Variants in SERGEF observed in about 807,000 individuals in gnomAD.
The protein encoded by SERGEF is secretion-regulating guanine nucleotide exchange factor.
A neutral mutation model predicts 50.0 loss-of-function variants in SERGEF; 51 were observed. That is an observed-to-expected ratio of 1.02 (90% confidence interval 0.81 to 1.29). The LOEUF (loss-of-function observed/expected upper bound fraction) is 1.29. Among genes scored for constraint, SERGEF ranks in the 50% most tolerant of loss-of-function variants. The pLI is 0.00. For synonymous variants in SERGEF, 205 were observed against 212.4 expected, an observed-to-expected ratio of 0.97 and a Z score of 0.30; for missense variants, 521 against 557.0, an observed-to-expected ratio of 0.94 and a Z score of 0.65.
At chr11:17,960,120 A>G (rs1316308689) in intron 8 of SERGEF, among the ~76,000 whole-genome samples, 1 of 152,014 alleles carries the variant, frequency 6.6e-6, no homozygotes, top group Non-Finnish European at 1.5e-5. Flanking sequence ...GGCCAGCTTC[A>G]TTTGCTCTCC....
intron 9 of SERGEF, among the ~76,000 whole-genome samples, chr11:17,947,950 CTTTT>C: frequency 7.5e-6 from 1 of 133,554 alleles, no homozygotes; most frequent in East Asian, 2.1e-4. Flanking sequence ...CTAATCCATT[CTTTT>C]TTTTTTTTTT....
chr11:17,791,680 T>G (rs1849486216), intron 10 of SERGEF, among the ~76,000 whole-genome samples: 1 of 152,230 alleles, frequency 6.6e-6, no homozygotes, highest in Non-Finnish European at 1.5e-5. Flanking sequence ...CACTTACTAG[T>G]TGTGCCGCTT....
intron 8 of SERGEF, among the ~76,000 whole-genome samples, chr11:17,967,765 T>A (rs1394153355): frequency 6.6e-6 from 1 of 152,234 alleles, no homozygotes; most frequent in African/African-American, 2.4e-5. Context: ...CAATGTTGGA[T>A]GACTGCTCCT....
intron 10 of SERGEF, among the ~76,000 whole-genome samples, chr11:17,874,603 C>G (rs536458767): frequency 1.3e-4 from 20 of 152,332 alleles, no homozygotes; most frequent in African/African-American, 4.8e-4. Context: ...AGTAAAATTT[C>G]CATCTTCTCA....
chr11:17,975,248 ATGGGAGTGAGC>A (rs1853346023), intron 8 of SERGEF, among the ~76,000 whole-genome samples: 2 of 152,170 alleles, frequency 1.3e-5, no homozygotes, highest in African/African-American at 4.8e-5. Context: ...CATGTGTAAA[ATGGGAGTGAGC>A]CTCACTTGGC....
intron 8 of SERGEF, among the ~76,000 whole-genome samples, chr11:17,976,673 C>T (rs191990866): frequency 6.6e-6 from 1 of 152,074 alleles, no homozygotes; most frequent in Non-Finnish European, 1.5e-5. Context: ...GTGCCATCTG[C>T]CAAAAACCTA....
chr11:17,843,566 C>T (rs1393925750), intron 10 of SERGEF, among the ~76,000 whole-genome samples: 2 of 152,144 alleles, frequency 1.3e-5, no homozygotes, highest in Non-Finnish European at 2.9e-5. Flanking sequence ...GTGGTCTTTC[C>T]ACTTACTGTT....
intron 9 of SERGEF, among the ~76,000 whole-genome samples, chr11:17,924,929 G>A (rs1489403439): frequency 6.6e-6 from 1 of 152,130 alleles, no homozygotes; most frequent in Non-Finnish European, 1.5e-5. Context: ...CAGGCCCAGA[G>A]GTCACAGTCA....
chr11:17,918,133 G>A (rs539425890), intron 9 of SERGEF, among the ~76,000 whole-genome samples: 29 of 152,236 alleles, frequency 1.9e-4, no homozygotes, highest in African/African-American at 5.1e-4. Flanking sequence ...TGTATGACCC[G>A]AAGTCTGTGT....
intron 6 of SERGEF, 140 bp from the exon 7 acceptor site, chr11:17,993,133 G>A (rs530901242): frequency 2.4e-5 from 15 of 637,274 alleles, no homozygotes; most frequent in African/African-American, 1.8e-4. Context: ...CACTGGCCAA[G>A]AAGATGGCTG....
chr11:17,838,409 CT>C (rs1850445531), intron 10 of SERGEF, among the ~76,000 whole-genome samples: 1 of 152,088 alleles, frequency 6.6e-6, no homozygotes, highest in Non-Finnish European at 1.5e-5. Context: ...TAAGCATGAC[CT>C]TAGCTTCCAA....
intron 1 of SERGEF, among the ~76,000 whole-genome samples, chr11:18,009,303 C>T (rs1393252240): frequency 6.6e-6 from 1 of 152,130 alleles, no homozygotes; most frequent in African/African-American, 2.4e-5. Flanking sequence ...GAGTCCTAGG[C>T]ATCCACAACT....
chr11:17,870,461 G>A (rs1851118741), intron 10 of SERGEF, among the ~76,000 whole-genome samples: 1 of 152,206 alleles, frequency 6.6e-6, no homozygotes, highest in Non-Finnish European at 1.5e-5. Flanking sequence ...AATATAGGTA[G>A]CCTTTAGTAG....
At chr11:17,925,961 G>A (rs778688156) in intron 9 of SERGEF, among the ~76,000 whole-genome samples, 1 of 152,022 alleles carries the variant, frequency 6.6e-6, no homozygotes, top group Non-Finnish European at 1.5e-5. Context: ...ACAGAGTCTG[G>A]GGGAAACAAT....
At chr11:17,964,153 A>C (rs1565216937) in intron 8 of SERGEF, among the ~76,000 whole-genome samples, 1 of 152,156 alleles carries the variant, frequency 6.6e-6, no homozygotes, top group African/African-American at 2.4e-5. Context: ...GGAATCATAA[A>C]ATGTTATTTC....
intron 10 of SERGEF, among the ~76,000 whole-genome samples, chr11:17,801,067 C>T (rs1054295236): frequency 2.0e-5 from 3 of 151,816 alleles, no homozygotes; most frequent in South Asian, 4.2e-4. Context: ...TGGTGGTGGG[C>T]GCCTGTAGTC....
intron 10 of SERGEF, chr11:17,856,940 A>T (rs2133878297): frequency 6.6e-6 from 1 of 152,340 alleles, no homozygotes; most frequent in East Asian, 1.9e-4. Context: ...GCCCCCAAAA[A>T]TAATGAAACG....
chr11:17,957,831 T>C (rs1480541216), intron 9 of SERGEF, among the ~76,000 whole-genome samples: 3 of 151,562 alleles, frequency 2.0e-5, no homozygotes, highest in Non-Finnish European at 4.4e-5. Flanking sequence ...GTTTACTGCA[T>C]AGCCATTTTA....
At chr11:17,837,852 T>TG (rs574836158) in intron 10 of SERGEF, among the ~76,000 whole-genome samples, 239 of 151,782 alleles carry the variant, frequency 1.6e-3, no homozygotes, top group Middle Eastern at 6.8e-3. Context: ...TTAATAGAGA[T>TG]GGGGGGGTTT....
Sources: gnomAD v4.1 joint callset for allele counts (sites outside exome capture counted in the v4.1 genomes callset) on GRCh38, gnomAD v4.1.1 for gene constraint, MANE v1.5 for transcripts, NCBI Gene and HGNC (gene_info 2026-07-23, HGNC 2026-07-21) for gene names.